ARHGAP15: variants seen among roughly 807,000 people sequenced by gnomAD.
The protein encoded by ARHGAP15 is Rho GTPase activating protein 15.
A neutral mutation model predicts 63.7 loss-of-function variants in ARHGAP15; 51 were observed. The observed-to-expected ratio is 0.80, with a 90% CI of 0.64 to 1.01. The LOEUF (loss-of-function observed/expected upper bound fraction) is 1.01. ARHGAP15 is among the 50% of genes least tolerant of loss of function. The probability of loss-of-function intolerance (pLI) is 0.00; values close to 1 mark genes in which losing one functional copy is unlikely to be tolerated. For synonymous variants in ARHGAP15, 191 were observed against 193.8 expected (o/e 0.99, Z 0.12); for missense variants, 560 against 564.6 (o/e 0.99, Z 0.08).
chr2:143,545,187 A>G (rs1695276813), intron 10 of ARHGAP15, among the ~76,000 whole-genome samples: 1 of 152,196 alleles, frequency 6.6e-6, no homozygotes, highest in African/African-American at 2.4e-5. Context: ...GGCAGCGGCC[A>G]GGGAAGAGCT....
At chr2:143,656,455 C>T (rs1336245057) in intron 12 of ARHGAP15, among the ~76,000 whole-genome samples, 2 of 152,208 alleles carry the variant, frequency 1.3e-5, no homozygotes, top group African/African-American at 4.8e-5. Context: ...TTCCTTATAT[C>T]CCACTCCACT....
At chr2:143,559,665 TC>T (rs1695945133) in intron 11 of ARHGAP15, among the ~76,000 whole-genome samples, 1 of 152,166 alleles carries the variant, frequency 6.6e-6, no homozygotes, top group South Asian at 2.1e-4. Context: ...TACCTTCCCC[TC>T]CATCTGGACC....
At chr2:143,320,354 A>G (rs1236975550) in intron 6 of ARHGAP15, among the ~76,000 whole-genome samples, 1 of 147,078 alleles carries the variant, frequency 6.8e-6, no homozygotes, top group East Asian at 2.1e-4. Flanking sequence ...AATGGCCGCA[A>G]TGGGAATATT....
At chr2:143,209,557 T>TAAAAAA (rs3070816) in intron 3 of ARHGAP15, among the ~76,000 whole-genome samples, 3,504 of 148,418 alleles carry the variant, frequency 0.024, 63 homozygotes, top group Middle Eastern at 0.042. Context: ...TGTGCTATGA[T>TAAAAAA]AAAAAAAAAA....
intron 11 of ARHGAP15, among the ~76,000 whole-genome samples, chr2:143,575,542 G>C (rs1403735515): frequency 6.6e-6 from 1 of 152,066 alleles, no homozygotes; most frequent in South Asian, 2.1e-4. Context: ...CCAGTAGGGG[G>C]AGCTTTCTTT....
At chr2:143,699,851 A>G (rs1684007752) in intron 12 of ARHGAP15, among the ~76,000 whole-genome samples, 2 of 152,220 alleles carry the variant, frequency 1.3e-5, no homozygotes, top group African/African-American at 4.8e-5. Flanking sequence ...TGTGCTTGGT[A>G]CATTACATAC....
At chr2:143,612,654 A>G (rs1698301200) in intron 11 of ARHGAP15, among the ~76,000 whole-genome samples, 1 of 152,224 alleles carries the variant, frequency 6.6e-6, no homozygotes, top group Admixed American at 6.5e-5. Flanking sequence ...AAGCAGGGAC[A>G]GGGCAGACCT....
At chr2:143,633,202 C>T (rs529429857) in intron 12 of ARHGAP15, among the ~76,000 whole-genome samples, 3 of 152,112 alleles carry the variant, frequency 2.0e-5, no homozygotes, top group South Asian at 2.1e-4. Context: ...TGTGTGTGCA[C>T]GTGTGCACGC....
intron 8 of ARHGAP15, among the ~76,000 whole-genome samples, chr2:143,439,043 G>C (rs1277412856): frequency 1.3e-5 from 2 of 152,020 alleles, no homozygotes; most frequent in Non-Finnish European, 2.9e-5. Context: ...ATCTTAGATA[G>C]AACACTCACT....
chr2:143,661,168 A>G (rs771766777), intron 12 of ARHGAP15, among the ~76,000 whole-genome samples: 22 of 152,198 alleles, frequency 1.4e-4, no homozygotes, highest in Admixed American at 1.0e-3. Context: ...TTAAAGACCA[A>G]TGTGATCAGA....
At chr2:143,598,434 G>A (rs1346804724) in intron 11 of ARHGAP15, among the ~76,000 whole-genome samples, 1 of 152,120 alleles carries the variant, frequency 6.6e-6, no homozygotes, top group Non-Finnish European at 1.5e-5. Flanking sequence ...AAATTCCGAG[G>A]CCATCATGCT....
In ARHGAP15 at chr2:143,249,041, G is replaced by A. The variant is rs947203870; in HGVS notation, c.385-1470G>A. Reference sequence around the variant, plus strand: ...AATTTTTCTACATCATAAATCACTTGACAAAGACTATCATTATCATGCTTT... The same window carrying A: ...AATTTTTCTACATCATAAATCACTTAACAAAGACTATCATTATCATGCTTT... On this transcript the variant is annotated intron_variant, in intron 5 of 13. Transcript: ENST00000295095. Among the ~76,000 whole-genome samples, 5 of 152,232 alleles carry A rather than the reference G, an allele frequency of 3.3e-5. No individual in the cohort carries two copies. In the East Asian group the frequency reaches 5.8e-4, roughly 18 times the overall value.
intron 10 of ARHGAP15, among the ~76,000 whole-genome samples, chr2:143,532,454 C>T (rs982710648): frequency 1.3e-5 from 2 of 152,110 alleles, no homozygotes; most frequent in African/African-American, 2.4e-5. Context: ...ATTCTTTTCC[C>T]ACCAGTAAGG....
At chr2:143,332,709 T>C (rs928591895) in intron 6 of ARHGAP15, among the ~76,000 whole-genome samples, 3 of 152,174 alleles carry the variant, frequency 2.0e-5, no homozygotes, top group African/African-American at 7.2e-5. Flanking sequence ...TTTGCTTGGC[T>C]GGAAAAGAAG....
At chr2:143,218,352 T>C (rs1287933313) in intron 4 of ARHGAP15, among the ~76,000 whole-genome samples, 1 of 149,056 alleles carries the variant, frequency 6.7e-6, no homozygotes, top group Non-Finnish European at 1.5e-5. Flanking sequence ...GATTATATCC[T>C]TCGGTTTGTG....
chr2:143,609,944 G>T (rs1161620239), intron 11 of ARHGAP15, among the ~76,000 whole-genome samples: 2 of 152,182 alleles, frequency 1.3e-5, no homozygotes, highest in Non-Finnish European at 2.9e-5. Context: ...GAACTTCTGG[G>T]ATAAACAATC....
In ARHGAP15 at chr2:143,408,592, G is replaced by A. The variant is rs182901830; in HGVS notation, c.475-27009G>A. Among the ~76,000 whole-genome samples, 262 of 151,792 alleles carry A rather than the reference G, an allele frequency of 1.7e-3. 3 individuals carry two copies. The highest frequency in any genetic ancestry group is 4.9e-4 in the Non-Finnish European group (33 of 67,776). On this transcript the variant is annotated intron_variant, in intron 6 of 13. Transcript: ENST00000295095. ...AGTTCTCATATCATTTTTGCCAAAG[G>A]TGATTTCAAACAGATTAAAAACTCC...
At chr2:143,724,986 GAT>G (rs1368235210) in intron 13 of ARHGAP15, among the ~76,000 whole-genome samples, 6 of 152,164 alleles carry the variant, frequency 3.9e-5, no homozygotes, top group African/African-American at 1.4e-4. Context: ...CTAGCACAGA[GAT>G]AACTCAAGTT....
chr2:143,761,357 T>C (rs1686753764), intron 13 of ARHGAP15, among the ~76,000 whole-genome samples: 1 of 152,212 alleles, frequency 6.6e-6, no homozygotes, highest in African/African-American at 2.4e-5. Context: ...CGTAAAACTA[T>C]CCTAAAGTTA....
Sources: gnomAD v4.1 joint callset for allele counts (sites outside exome capture counted in the v4.1 genomes callset) on GRCh38, gnomAD v4.1.1 for gene constraint, MANE v1.5 for transcripts, NCBI Gene and HGNC (gene_info 2026-07-23, HGNC 2026-07-21) for gene names.